ARHGEF10: variants seen among roughly 807,000 people sequenced by gnomAD.
The protein encoded by ARHGEF10 is Rho guanine nucleotide exchange factor (GEF) 10.
In ARHGEF10, 140 loss-of-function variants were observed where a neutral mutation model predicts 147.4. The observed-to-expected ratio is 0.95, with a 90% confidence interval of 0.83 to 1.09. ARHGEF10 has a LOEUF of 1.09. ARHGEF10 is among the 50% of genes least tolerant of loss of function. ARHGEF10 has a pLI of 0.00. For missense variants in ARHGEF10, 2,222 were observed against 1,752.7 expected (o/e 1.27, Z -4.78); for synonymous variants, 902 against 695.8 (o/e 1.30, Z -4.67).
At chr8:1,949,697 T>C (rs1814873440) in intron 27 of ARHGEF10, among the ~76,000 whole-genome samples, 1 of 152,020 alleles carries the variant, frequency 6.6e-6, no homozygotes, top group Non-Finnish European at 1.5e-5. Context: ...CGTGTAACTT[T>C]TCTGAAGACC....
At chr8:1,925,492 G>T in intron 22 of ARHGEF10, 88 bp downstream of exon 22, 1 of 1,563,804 alleles carries the variant, frequency 6.4e-7, no homozygotes, top group Admixed American at 1.7e-5. Context: ...TAAGGGGCGT[G>T]GTCAGAACAT....
intron 23 of ARHGEF10, 139 bp downstream of exon 23, chr8:1,926,602 A>G (rs1812714454): frequency 1.3e-6 from 1 of 778,492 alleles, no homozygotes; most frequent in Non-Finnish European, 2.2e-6. Context: ...GAAACATGAA[A>G]ACTTCTTTGA....
At chr8:1,907,957 G>A (rs1022980294) in intron 17 of ARHGEF10, among the ~76,000 whole-genome samples, 3 of 152,154 alleles carry the variant, frequency 2.0e-5, no homozygotes, top group African/African-American at 2.4e-5. Flanking sequence ...AGGAGGAATC[G>A]GAATTTTGGT....
chr8:1,868,366 T>G (rs971925221), intron 6 of ARHGEF10, among the ~76,000 whole-genome samples: 3 of 152,198 alleles, frequency 2.0e-5, no homozygotes, highest in South Asian at 2.1e-4. Flanking sequence ...ATGTCATAGT[T>G]TGGACGTTCT....
At chr8:1,834,705 A>G (rs1260240014) in intron 1 of ARHGEF10, among the ~76,000 whole-genome samples, 1 of 152,238 alleles carries the variant, frequency 6.6e-6, no homozygotes, top group African/African-American at 2.4e-5. Context: ...TGAGTTAACC[A>G]TGACATTCCA....
chr8:1,882,554 G>A, intron 9 of ARHGEF10, 81 bp from the exon 10 acceptor site: 2 of 1,133,732 alleles, frequency 1.8e-6, no homozygotes. Context: ...CTACTTGACA[G>A]TATTCTTTTA....
chr8:1,849,111 A>T (rs1475200144), intron 2 of ARHGEF10, among the ~76,000 whole-genome samples: 1 of 152,232 alleles, frequency 6.6e-6, no homozygotes, highest in African/African-American at 2.4e-5. Flanking sequence ...CTAAATTTTA[A>T]ACTAAACTTA....
chr8:1,891,971 T>C (rs1032191516), intron 11 of ARHGEF10, among the ~76,000 whole-genome samples: 2 of 149,118 alleles, frequency 1.3e-5, no homozygotes, highest in Non-Finnish European at 3.0e-5. Flanking sequence ...ATATAAATAA[T>C]ACATATACAT....
At chr8:1,905,831 C>A in intron 17 of ARHGEF10, 115 bp downstream of exon 17, 3 of 1,346,954 alleles carry the variant, frequency 2.2e-6, no homozygotes, top group East Asian at 2.3e-5. Flanking sequence ...TTTTTTGTGC[C>A]AAAGCTCTGT....
chr8:1,833,952 C>T (rs551118496), intron 1 of ARHGEF10, among the ~76,000 whole-genome samples: 1 of 152,218 alleles, frequency 6.6e-6, no homozygotes, highest in East Asian at 1.9e-4. Flanking sequence ...CCAATGACCA[C>T]TCCTGCTCGG....
chr8:1,922,887 C>G (rs572023294), intron 18 of ARHGEF10, 77 bp from the exon 19 acceptor site: 1 of 1,027,132 alleles, frequency 9.7e-7, no homozygotes, highest in Non-Finnish European at 1.5e-6. Context: ...GTATTTGAGT[C>G]TTTTCTTCCC....
At chr8:1,830,241 G>T in intron 1 of ARHGEF10, among the ~76,000 whole-genome samples, 1 of 152,174 alleles carries the variant, frequency 6.6e-6, no homozygotes, top group Non-Finnish European at 1.5e-5. Flanking sequence ...TGCGTGGCAG[G>T]CGGCTCATTT....
rs778574093 is a variant in ARHGEF10 at position 1,937,058 on chromosome 8, T to A, written c.3222+3116T>A. 1.3e-5 allele frequency among the ~76,000 whole-genome samples: 2 copies of A among 152,220 alleles called. No individual in the cohort carries two copies. Among genetic ancestry groups the A allele is most frequent in the Non-Finnish European group, 2.9e-5 (2 of 68,032 alleles). On this transcript the variant is annotated intron_variant, in intron 26 of 28. Transcript: ENST00000349830. This position sits in a 1 kb window ranked among gnomAD's most constrained non-coding sequence, Gnocchi z 4.9. ...GAATAGCATTCCCGCGTGAGTCTTT[T>A]TTTGACACAGCCTCCCCGACGTCCT... is the stretch of plus-strand genomic sequence containing the variant.
At chr8:1,933,753 G>C (rs369605128) in intron 25 of ARHGEF10, 47 bp from the exon 26 acceptor site, 29 of 1,611,988 alleles carry the variant, frequency 1.8e-5, no homozygotes, top group Non-Finnish European at 2.4e-5. Flanking sequence ...TCCCATTCCT[G>C]TGCACAGAAA....
At chr8:1,829,885 A>G (rs1365924278) in intron 1 of ARHGEF10, among the ~76,000 whole-genome samples, 2 of 152,190 alleles carry the variant, frequency 1.3e-5, no homozygotes, top group Admixed American at 6.5e-5. Context: ...GCGTTTAGAC[A>G]TGCAGGTTTC....
At chr8:1,950,730 G>GTTTTTTTTTTT (rs71211528) in intron 27 of ARHGEF10, among the ~76,000 whole-genome samples, 3 of 108,458 alleles carry the variant, frequency 2.8e-5, no homozygotes, top group African/African-American at 7.3e-5. Context: ...TGTTTTTTAG[G>GTTTTTTTTTTT]TTTTTTTTTT....
At chr8:1,946,430 G>A (rs915893547) in intron 27 of ARHGEF10, among the ~76,000 whole-genome samples, 3 of 152,236 alleles carry the variant, frequency 2.0e-5, no homozygotes, top group East Asian at 1.9e-4. Context: ...GCAGCATGCC[G>A]GGGAGCACGG....
chr8:1,921,363 C>G (rs1450760967), intron 18 of ARHGEF10, among the ~76,000 whole-genome samples: 4 of 152,132 alleles, frequency 2.6e-5, no homozygotes, highest in Non-Finnish European at 5.9e-5. Context: ...ACTAAAAGAA[C>G]AAGCTGCATA....
At chr8:1,880,251 A>AG in intron 9 of ARHGEF10, 87 bp downstream of exon 9, 4 of 924,946 alleles carry the variant, frequency 4.3e-6, no homozygotes, top group Non-Finnish European at 7.1e-6. Flanking sequence ...TTGCTGTCTC[A>AG]ACAGCGGTTC....
Sources: allele counts gnomAD v4.1 joint callset (sites outside exome capture counted in the v4.1 genomes callset), GRCh38; gene constraint gnomAD v4.1.1; non-coding constraint Gnocchi (gnomAD v3.1); transcripts MANE v1.5; gene names NCBI Gene and HGNC (gene_info 2026-07-23, HGNC 2026-07-21).